HP1BP3: variants seen among roughly 807,000 people sequenced by gnomAD.
HP1BP3 encodes the protein heterochromatin protein 1-binding protein 3.
Under a neutral mutation model 62.5 loss-of-function variants are expected in HP1BP3, and 12 were observed. The ratio of observed to expected loss-of-function variants is 0.19; its 90% CI spans 0.12 to 0.31. HP1BP3 has a LOEUF of 0.31. HP1BP3 is among the 10% of genes least tolerant of loss of function. The pLI is 1.00. For missense variants in HP1BP3, 502 were observed against 651.8 expected, an observed-to-expected ratio of 0.77 and a Z score of 2.50; for synonymous variants, 260 against 237.8, an observed-to-expected ratio of 1.09 and a Z score of -0.86.
At chr1:20,745,119 C>T (rs769296063) in intron 12 of HP1BP3, 28 bp from the exon 13 acceptor site, 2 of 1,577,832 alleles carry the variant, frequency 1.3e-6, no homozygotes, top group Admixed American at 3.8e-5. Context: ...CAAAGGCCGT[C>T]ATTTAGTACT....
In HP1BP3 at chr1:20,781,125, G is replaced by C. The variant is rs527313697; in HGVS notation, c.-100-585C>G. ...TAAGACTGTCATATTTTTAATGTAA[G>C]GAAAACTAGTACAGAAGAATATAAT... On this transcript the variant is annotated intron_variant, in intron 1 of 12. Transcript: ENST00000438032. Among the ~76,000 whole-genome samples the C allele has an allele frequency of 3.3e-5, 5 of 152,046 alleles. 1 individual carries two copies. The South Asian group carries it at 1.0e-3, about 31-fold the overall frequency.
Position 20,741,907 on chromosome 1 carries a change from G to A in HP1BP3, c.*2890C>T, listed in dbSNP as rs2154539250. On this transcript the variant is annotated 3_prime_UTR_variant, in exon 13 of 13. Coordinates refer to ENST00000438032, the MANE Select transcript of HP1BP3 (RefSeq NM_001372052.1). ...GTGTTCTGCTCCTTTGGAATGCCTG[G>A]AAGGGAAAAATCAAACATTCTTTTA... Among the ~76,000 whole-genome samples the A allele has an allele frequency of 6.6e-6, 1 of 152,336 alleles. No individual in the cohort carries two copies. The highest frequency in any genetic ancestry group is 1.5e-5 in the Non-Finnish European group (1 of 68,030).
At chr1:20,776,022 A>G in intron 4 of HP1BP3, 1 of 1,497,624 alleles carries the variant, frequency 6.7e-7, no homozygotes. Flanking sequence ...AAAAAAAAAA[A>G]AAAAAATTAA....
At chr1:20,781,207 C>T (rs919781066) in intron 1 of HP1BP3, among the ~76,000 whole-genome samples, 1 of 152,036 alleles carries the variant, frequency 6.6e-6, no homozygotes, top group African/African-American at 2.4e-5. Context: ...ATCACTAACA[C>T]CCCCTCTTCC....
chr1:20,774,277 G>T (rs1017917306), intron 4 of HP1BP3: 2 of 152,116 alleles, frequency 1.3e-5, no homozygotes, highest in African/African-American at 4.8e-5. Context: ...GCTGAGGAGG[G>T]AGGACAGCTT....
In HP1BP3 at chr1:20,740,305, T is replaced by A. The variant is rs778063313; in HGVS notation, c.*4492A>T. Among the ~76,000 whole-genome samples, 1 of 152,226 alleles carries A rather than the reference T, an allele frequency of 6.6e-6. No individual in the cohort carries two copies. The highest frequency in any genetic ancestry group is 1.5e-5 in the Non-Finnish European group (1 of 68,046). On this transcript the variant is annotated 3_prime_UTR_variant, in exon 13 of 13. Coordinates refer to ENST00000438032, the MANE Select transcript of HP1BP3 (RefSeq NM_001372052.1). ...GCAAAGATTTAATAGTGAACAGTGT[T>A]AATTATACATTATATACAATATCAG... is the stretch of plus-strand genomic sequence containing the variant.
chr1:20,774,180 T>G (rs192763887), intron 4 of HP1BP3: 1 of 152,232 alleles, frequency 6.6e-6, no homozygotes, highest in African/African-American at 2.4e-5. Flanking sequence ...CAGTACTCTG[T>G]GCACCTAATA....
intron 4 of HP1BP3, 77 bp downstream of exon 4, chr1:20,776,520 A>G (rs1248685893): frequency 6.2e-6 from 8 of 1,299,126 alleles, no homozygotes; most frequent in South Asian, 1.4e-5. Context: ...CAATGTTATA[A>G]CACTTTAAAA....
chr1:20,767,772 T>C, intron 6 of HP1BP3, 108 bp from the exon 7 acceptor site: 1 of 664,294 alleles, frequency 1.5e-6, no homozygotes, highest in African/African-American at 1.8e-5. Context: ...TGTTTACTTC[T>C]TCAGAGAAAA....
chr1:20,774,633 C>G, intron 4 of HP1BP3: 1 of 152,138 alleles, frequency 6.6e-6, no homozygotes, highest in African/African-American at 2.4e-5. Flanking sequence ...GCACGTTACT[C>G]ACTTGTTTGT....
At chr1:20,776,109 ATTC>A (rs2057294956) in intron 4 of HP1BP3, 1 of 988,858 alleles carries the variant, frequency 1.0e-6, no homozygotes, top group Non-Finnish European at 1.4e-6. Flanking sequence ...CTCAAAGCCA[ATTC>A]TTCAACTGAA....
At chr1:20,771,617 T>G (rs2057064150) in intron 5 of HP1BP3, among the ~76,000 whole-genome samples, 1 of 152,232 alleles carries the variant, frequency 6.6e-6, no homozygotes, top group South Asian at 2.1e-4. Context: ...CTATTTGAAT[T>G]TAATGTGCCC....
intron 8 of HP1BP3, among the ~76,000 whole-genome samples, chr1:20,760,434 T>C (rs1180338445): frequency 2.0e-5 from 3 of 152,074 alleles, no homozygotes; most frequent in South Asian, 4.2e-4. Context: ...CCAGCTACTT[T>C]TGAGGCCACA....
At chr1:20,772,257 C>G (rs1337711292) in intron 5 of HP1BP3, among the ~76,000 whole-genome samples, 1 of 151,930 alleles carries the variant, frequency 6.6e-6, no homozygotes, top group East Asian at 1.9e-4. Context: ...TACACATTAT[C>G]TATATAAAAT....
intron 9 of HP1BP3, among the ~76,000 whole-genome samples, chr1:20,756,847 T>A (rs1570586198): frequency 6.6e-6 from 1 of 151,966 alleles, no homozygotes; most frequent in African/African-American, 2.4e-5. Flanking sequence ...TCCCAAGTAG[T>A]TGGGACCACA....
intron 4 of HP1BP3, chr1:20,776,080 C>CA: frequency 7.8e-7 from 1 of 1,280,830 alleles, no homozygotes; most frequent in East Asian, 2.6e-5. Context: ...ACATCAATAG[C>CA]AAATTTTACT....
intron 1 of HP1BP3, among the ~76,000 whole-genome samples, chr1:20,781,229 ATC>A (rs779668995): frequency 1.3e-5 from 2 of 152,170 alleles, no homozygotes; most frequent in Non-Finnish European, 2.9e-5. Context: ...CAAAAATCTC[ATC>A]TGAGACTCAA....
intron 6 of HP1BP3, among the ~76,000 whole-genome samples, chr1:20,770,496 G>C (rs750944908): frequency 1.1e-4 from 16 of 152,032 alleles, no homozygotes; most frequent in Non-Finnish European, 1.9e-4. Flanking sequence ...TGTATTTTTT[G>C]TAGAGAAGGG....
intron 2 of HP1BP3, 28 bp downstream of exon 2, chr1:20,780,317 T>C (rs1269191783): frequency 1.3e-6 from 2 of 1,518,684 alleles, no homozygotes; most frequent in Non-Finnish European, 1.8e-6. Context: ...GATCCAAGAG[T>C]GAGCTTCAAG....
Sources: allele counts gnomAD v4.1 joint callset (sites outside exome capture counted in the v4.1 genomes callset), GRCh38; gene constraint gnomAD v4.1.1; transcripts MANE v1.5; gene names NCBI Gene and HGNC (gene_info 2026-07-23, HGNC 2026-07-21).